The following UXS1 variants were observed in gnomAD, a reference collection of about 807,000 sequenced individuals.
UXS1 encodes the protein UDP-glucuronate decarboxylase 1, also known as UDP-glucuronic acid decarboxylase 1.
Under a neutral mutation model 62.6 loss-of-function variants are expected in UXS1, and 33 were observed. The observed-to-expected ratio is 0.53, with a 90% confidence interval of 0.40 to 0.70. UXS1 has a LOEUF of 0.70. Among genes scored for constraint, UXS1 ranks in the 30% least tolerant of loss-of-function variants. The pLI, the probability that UXS1 is intolerant of heterozygous loss-of-function variation, is 0.00. For synonymous variants in UXS1, 213 were observed against 206.8 expected (o/e 1.03, Z -0.26); for missense variants, 434 against 556.3 (o/e 0.78, Z 2.21).
chr2:106,150,346 G>A (rs1349050721), intron 5 of UXS1, among the ~76,000 whole-genome samples: 1 of 152,232 alleles, frequency 6.6e-6, no homozygotes, highest in Non-Finnish European at 1.5e-5. Context: ...TTAGAAGGAA[G>A]CCAGGTTCTG....
At chr2:106,151,190 G>A (rs1468541373) in intron 5 of UXS1, among the ~76,000 whole-genome samples, 1 of 152,156 alleles carries the variant, frequency 6.6e-6, no homozygotes, top group African/African-American at 2.4e-5. Flanking sequence ...ATGAGACTTT[G>A]GACTTTCGAG....
chr2:106,143,702 T>C (rs1022362746), intron 6 of UXS1, among the ~76,000 whole-genome samples: 1 of 152,136 alleles, frequency 6.6e-6, no homozygotes, highest in African/African-American at 2.4e-5. Context: ...TTCAGTTCCC[T>C]GAGGCTGCAG....
At chr2:106,150,876 C>T (rs1281262877) in intron 5 of UXS1, among the ~76,000 whole-genome samples, 1 of 152,194 alleles carries the variant, frequency 6.6e-6, no homozygotes, top group East Asian at 1.9e-4. Flanking sequence ...GCTGGGGCTC[C>T]CAGAGGCCTT....
chr2:106,178,804 T>A (rs1684066676), intron 1 of UXS1, among the ~76,000 whole-genome samples: 2 of 132,816 alleles, frequency 1.5e-5, no homozygotes, highest in Admixed American at 1.8e-4. Context: ...TGCGGCAAGC[T>A]GGGCAGTGTA....
chr2:106,117,252 G>A (rs889281888), intron 9 of UXS1, among the ~76,000 whole-genome samples: 1 of 152,234 alleles, frequency 6.6e-6, no homozygotes. Flanking sequence ...GGCCACCTGA[G>A]AGCCTGTCAA....
At chr2:106,139,064 A>C (rs538499516) in intron 6 of UXS1, among the ~76,000 whole-genome samples, 1 of 152,062 alleles carries the variant, frequency 6.6e-6, no homozygotes, top group African/African-American at 2.4e-5. Context: ...GTTAACCCTC[A>C]CAGCCCAGGA....
Position 106,194,130 on chromosome 2 carries a change from C to A in UXS1, c.94+18G>T. 1 of 1,464,010 alleles carries A rather than the reference C, an allele frequency of 6.8e-7. No individual in the cohort carries two copies. Among genetic ancestry groups the A allele is most frequent in the Admixed American group, 2.4e-5 (1 of 42,250 alleles). The allele number at this position is 1,464,010 out of a possible 1,614,324, so 90.7% of individuals were successfully genotyped here. A position where few individuals can be genotyped will look rare whatever the true frequency, so the allele number is the denominator to read the frequency against. ...GGAATGAATGGGGCTCCCCAGCTGG[C>A]AGCGGGCGCGCACTCACAGGCGACG... On this transcript the variant is annotated intron_variant, in intron 1 of 14. Transcript: ENST00000283148.
At chr2:106,121,868 G>A (rs943761696) in intron 9 of UXS1, among the ~76,000 whole-genome samples, 2 of 152,200 alleles carry the variant, frequency 1.3e-5, no homozygotes, top group Non-Finnish European at 2.9e-5. Flanking sequence ...GAGCCTACCT[G>A]GCTTTACATT....
At chr2:106,100,995 A>C (rs779090490) in intron 12 of UXS1, 63 bp downstream of exon 12, 4 of 1,597,004 alleles carry the variant, frequency 2.5e-6, no homozygotes, top group Non-Finnish European at 3.4e-6. Context: ...GGTGCTGCTC[A>C]TGGTTTCACA....
chr2:106,136,981 A>G (rs1393059515), intron 6 of UXS1, among the ~76,000 whole-genome samples: 1 of 148,544 alleles, frequency 6.7e-6, no homozygotes, highest in African/African-American at 2.4e-5. Flanking sequence ...AAAAAAAAAA[A>G]AAAAAGAAAG....
chr2:106,186,935 G>C (rs1291773147), intron 1 of UXS1, among the ~76,000 whole-genome samples: 1 of 152,072 alleles, frequency 6.6e-6, no homozygotes, highest in Non-Finnish European at 1.5e-5. Context: ...TTTTTAGGGA[G>C]TGATAATGGT....
In UXS1 at chr2:106,118,575, C is replaced by G. The variant is rs557748344; in HGVS notation, c.759+4395G>C. On this transcript the variant is annotated intron_variant, in intron 9 of 14. Coordinates refer to ENST00000283148, the MANE Select transcript of UXS1 (RefSeq NM_001253875.2). ...CAATTTAATTCCTCCCTGGCAAGTT[C>G]TAACTATTCGGGAAAGGCTCTGCCC... 8.5e-4 allele frequency among the ~76,000 whole-genome samples: 129 copies of G among 152,294 alleles called. 7 individuals are homozygous for G. In the South Asian group the frequency reaches 0.026, roughly 31 times the overall value.
chr2:106,107,108 G>A (rs1285631646), intron 10 of UXS1, among the ~76,000 whole-genome samples: 1 of 152,166 alleles, frequency 6.6e-6, no homozygotes, highest in African/African-American at 2.4e-5. Flanking sequence ...GGTGGGTTTG[G>A]GGCTGTGCTG....
In UXS1 at chr2:106,158,511, T is replaced by A. The variant is rs926521002; in HGVS notation, c.231-393A>T. ...ATGAGAGAAATCTAATATGACTGGCTCCATCTAACCTCACAGGCTCAATTT... is the reference window on the plus strand; with the variant it reads ...ATGAGAGAAATCTAATATGACTGGCACCATCTAACCTCACAGGCTCAATTT... On this transcript the variant is annotated intron_variant, in intron 4 of 14. Coordinates refer to ENST00000283148, the MANE Select transcript of UXS1 (RefSeq NM_001253875.2). 2.0e-5 allele frequency among the ~76,000 whole-genome samples: 3 copies of A among 152,338 alleles called. No homozygotes were observed. The South Asian group carries it at 6.2e-4, about 32-fold the overall frequency.
At chr2:106,150,020 C>T (rs1443448772) in intron 5 of UXS1, among the ~76,000 whole-genome samples, 3 of 152,150 alleles carry the variant, frequency 2.0e-5, no homozygotes, top group African/African-American at 7.2e-5. Context: ...TGAAGGCTAT[C>T]CTTGTTACAA....
chr2:106,112,869 G>T (rs1678733257), intron 9 of UXS1, 104 bp from the exon 10 acceptor site: 2 of 1,461,008 alleles, frequency 1.4e-6, no homozygotes, highest in Admixed American at 2.5e-5. Flanking sequence ...GAAACGTTCT[G>T]CTTTCCATTC....
chr2:106,178,727 G>A (rs562948842), intron 1 of UXS1, among the ~76,000 whole-genome samples: 2 of 152,038 alleles, frequency 1.3e-5, no homozygotes, highest in Non-Finnish European at 2.9e-5. Flanking sequence ...CCACCCTAGT[G>A]GATGCCTGGC....
At chr2:106,193,840 G>T (rs1394449761) in intron 1 of UXS1, among the ~76,000 whole-genome samples, 1 of 151,978 alleles carries the variant, frequency 6.6e-6, no homozygotes, top group Non-Finnish European at 1.5e-5. Context: ...CGACATGGAC[G>T]ACAGCGCCGC....
At chr2:106,186,457 T>TATATACACACACAC (rs375660148) in intron 1 of UXS1, among the ~76,000 whole-genome samples, 2 of 148,690 alleles carry the variant, frequency 1.3e-5, no homozygotes, top group African/African-American at 2.5e-5. Flanking sequence ...TATATATATA[T>TATATACACACACAC]ACACACACAC....
Sources: allele counts gnomAD v4.1 joint callset (sites outside exome capture counted in the v4.1 genomes callset), GRCh38; gene constraint gnomAD v4.1.1; transcripts MANE v1.5; gene names NCBI Gene and HGNC (gene_info 2026-07-23, HGNC 2026-07-21).